DPYD: variants seen among roughly 807,000 people sequenced by gnomAD.
DPYD encodes dihydropyrimidine dehydrogenase [NADP(+)].
Under a neutral mutation model 116.2 loss-of-function variants are expected in DPYD, and 109 were observed. That is an observed-to-expected ratio of 0.94 (90% confidence interval 0.80 to 1.10). The LOEUF (loss-of-function observed/expected upper bound fraction) is 1.10, where lower values mean the gene tolerates loss of function less well. Among genes scored for constraint, DPYD ranks in the 50% least tolerant of loss-of-function variants. The pLI is 0.00. For synonymous variants in DPYD, 440 were observed against 432.0 expected, an observed-to-expected ratio of 1.02 and a Z score of -0.23; for missense variants, 1,302 against 1,254.5, an observed-to-expected ratio of 1.04 and a Z score of -0.57.
At chr1:97,158,303 A>G (rs1043748343) in intron 20 of DPYD, among the ~76,000 whole-genome samples, 1 of 152,046 alleles carries the variant, frequency 6.6e-6, no homozygotes, top group Non-Finnish European at 1.5e-5. Context: ...AAAACATTTA[A>G]GTCTTCAAAT....
chr1:97,737,029 G>T (rs954639169), intron 4 of DPYD, among the ~76,000 whole-genome samples: 3 of 151,758 alleles, frequency 2.0e-5, no homozygotes, highest in Non-Finnish European at 4.4e-5. Flanking sequence ...ACCTATTTTT[G>T]CCCAACTCTC....
intron 14 of DPYD, among the ~76,000 whole-genome samples, chr1:97,406,341 T>C (rs1433856352): frequency 6.7e-6 from 1 of 150,002 alleles, no homozygotes; most frequent in Non-Finnish European, 1.5e-5. Context: ...TATTTTATTA[T>C]AGAATAAAAC....
At chr1:97,473,165 T>G (rs1677754887) in intron 13 of DPYD, among the ~76,000 whole-genome samples, 1 of 152,222 alleles carries the variant, frequency 6.6e-6, no homozygotes, top group African/African-American at 2.4e-5. Context: ...CATCTTACTC[T>G]CTGCTTCTAC....
intron 18 of DPYD, among the ~76,000 whole-genome samples, chr1:97,261,516 TA>T (rs59568061): frequency 0.3 from 13,978 of 46,572 alleles, 1,059 homozygotes; most frequent in African/African-American, 0.4. Flanking sequence ...TTTTTTTTTT[TA>T]AAAAAGAACG....
intron 18 of DPYD, among the ~76,000 whole-genome samples, chr1:97,291,897 A>G (rs537083568): frequency 6.6e-6 from 1 of 152,324 alleles, no homozygotes; most frequent in South Asian, 2.1e-4. Context: ...AATTACTAGT[A>G]CTAGAATGAT....
At chr1:97,883,195 A>G in intron 2 of DPYD, 69 bp downstream of exon 2, 2 of 1,007,504 alleles carry the variant, frequency 2.0e-6, no homozygotes, top group East Asian at 4.9e-5. Context: ...AAGTGTATGT[A>G]AAATCTTGCC....
chr1:97,247,871 A>C (rs1662828037), intron 18 of DPYD, among the ~76,000 whole-genome samples: 1 of 152,200 alleles, frequency 6.6e-6, no homozygotes, highest in Admixed American at 6.5e-5. Context: ...TCATAATAAA[A>C]AACATTTTCA....
intron 14 of DPYD, among the ~76,000 whole-genome samples, chr1:97,448,616 C>CTTTTT (rs201268158): frequency 1.4e-5 from 2 of 142,242 alleles, no homozygotes; most frequent in Admixed American, 7.0e-5. Context: ...TATAGTTGAT[C>CTTTTT]TTTTTTTTTT....
chr1:97,546,740 G>A, intron 12 of DPYD: 1 of 1,613,084 alleles, frequency 6.2e-7, no homozygotes, highest in Non-Finnish European at 8.5e-7. Flanking sequence ...CCTGCACCAG[G>A]CAAGCCTGGA....
At chr1:97,232,938 TC>T (rs1661673493) in intron 19 of DPYD, among the ~76,000 whole-genome samples, 1 of 152,176 alleles carries the variant, frequency 6.6e-6, no homozygotes. Flanking sequence ...CCTGAGGTTT[TC>T]CTGGGTCTTG....
At chr1:97,271,278 A>AT (rs1664568692) in intron 18 of DPYD, among the ~76,000 whole-genome samples, 1 of 152,212 alleles carries the variant, frequency 6.6e-6, no homozygotes, top group South Asian at 2.1e-4. Context: ...ATTAACAAGG[A>AT]TTTTGAAAAT....
intron 18 of DPYD, among the ~76,000 whole-genome samples, chr1:97,290,208 A>G (rs930493836): frequency 6.6e-6 from 1 of 152,156 alleles, no homozygotes; most frequent in African/African-American, 2.4e-5. Flanking sequence ...GTGGAAGAAC[A>G]TTCCATGCTC....
At chr1:97,552,108 C>G (rs1165663714) in intron 11 of DPYD, among the ~76,000 whole-genome samples, 1 of 152,018 alleles carries the variant, frequency 6.6e-6, no homozygotes, top group East Asian at 1.9e-4. Flanking sequence ...CATGAAGTTA[C>G]TGAAGCTTAA....
intron 20 of DPYD, among the ~76,000 whole-genome samples, chr1:97,188,257 T>C (rs892653346): frequency 6.6e-6 from 1 of 152,172 alleles, no homozygotes; most frequent in Non-Finnish European, 1.5e-5. Context: ...CATTTATTAA[T>C]ATCACCAATA....
At chr1:97,772,395 C>T (rs1666190291) in intron 3 of DPYD, among the ~76,000 whole-genome samples, 1 of 152,184 alleles carries the variant, frequency 6.6e-6, no homozygotes, top group African/African-American at 2.4e-5. Context: ...TTAACAACAG[C>T]AGTATTCCAC....
intron 1 of DPYD, among the ~76,000 whole-genome samples, chr1:97,886,926 A>C (rs1325171257): frequency 6.6e-6 from 1 of 151,982 alleles, no homozygotes; most frequent in East Asian, 1.9e-4. Context: ...AAAAAGGCCC[A>C]AATTTAACTG....
At chr1:97,594,071 TA>T (rs35471205) in intron 9 of DPYD, among the ~76,000 whole-genome samples, 1 of 152,164 alleles carries the variant, frequency 6.6e-6, no homozygotes, top group African/African-American at 2.4e-5. Flanking sequence ...AAGATCCTTG[TA>T]AAAAAAGTAA....
chr1:97,478,932 ACTTCTGTTGGCTT>A (rs1480670135), intron 13 of DPYD, among the ~76,000 whole-genome samples: 1 of 152,166 alleles, frequency 6.6e-6, no homozygotes, highest in African/African-American at 2.4e-5. Context: ...TCATAAGCCA[ACTTCTGTTGGCTT>A]CAAACTTCTC....
At chr1:97,773,593 A>G (rs1666251034) in intron 3 of DPYD, among the ~76,000 whole-genome samples, 1 of 152,176 alleles carries the variant, frequency 6.6e-6, no homozygotes. Flanking sequence ...AGACACAGGC[A>G]GCTGGACATT....
Sources: allele counts gnomAD v4.1 joint callset (sites outside exome capture counted in the v4.1 genomes callset), GRCh38; gene constraint gnomAD v4.1.1; transcripts MANE v1.5; gene names NCBI Gene and HGNC (gene_info 2026-07-23, HGNC 2026-07-21).